KCTD3: variants seen among roughly 807,000 people sequenced by gnomAD.
KCTD3 encodes the protein BTB/POZ domain-containing protein KCTD3.
A neutral mutation model predicts 85.8 loss-of-function variants in KCTD3; 41 were observed. The observed-to-expected ratio is 0.48, with a 90% CI of 0.37 to 0.62. The LOEUF (loss-of-function observed/expected upper bound fraction) is 0.62, where lower values mean the gene tolerates loss of function less well. Among genes scored for constraint, KCTD3 ranks in the 20% least tolerant of loss-of-function variants. The pLI, the probability that KCTD3 is intolerant of heterozygous loss-of-function variation, is 0.00. For synonymous variants in KCTD3, 338 were observed against 345.4 expected (o/e 0.98, Z 0.24); for missense variants, 724 against 989.9 (o/e 0.73, Z 3.60).
chr1:215,602,688 T>A (rs1439124943), intron 12 of KCTD3, among the ~76,000 whole-genome samples: 1 of 152,154 alleles, frequency 6.6e-6, no homozygotes. Context: ...AGTAACAGAC[T>A]AGTTCTGTAA....
At chr1:215,615,198 A>G (rs1655387667) in intron 15 of KCTD3, among the ~76,000 whole-genome samples, 1 of 152,234 alleles carries the variant, frequency 6.6e-6, no homozygotes, top group Non-Finnish European at 1.5e-5. Flanking sequence ...TTATAAAGCT[A>G]TAGTGAACCA....
At chr1:215,585,325 C>T (rs1659967996) in intron 8 of KCTD3, among the ~76,000 whole-genome samples, 1 of 152,094 alleles carries the variant, frequency 6.6e-6, no homozygotes, top group Admixed American at 6.5e-5. Context: ...ATACATTTTT[C>T]TCTATTGCTT....
intron 10 of KCTD3, among the ~76,000 whole-genome samples, chr1:215,599,276 A>C (rs759197746): frequency 1.3e-5 from 2 of 152,216 alleles, no homozygotes; most frequent in Non-Finnish European, 2.9e-5. Flanking sequence ...AATGGAATGC[A>C]TTAAGCAGTG....
chr1:215,594,635 C>G (rs1660344388), intron 9 of KCTD3, among the ~76,000 whole-genome samples: 1 of 152,004 alleles, frequency 6.6e-6, no homozygotes, highest in African/African-American at 2.4e-5. Context: ...ATTATTGTAT[C>G]AAATTATAAT....
At position 215,620,115 on chromosome 1, in the gene KCTD3, C is replaced by A; in HGVS notation, c.1945C>A (p.Pro649Thr). 1 of 1,613,338 alleles carries A rather than the reference C, an allele frequency of 6.2e-7. No individual in the cohort carries two copies. Among genetic ancestry groups the A allele is most frequent in the Non-Finnish European group, 8.5e-7 (1 of 1,179,604 alleles). ...AGCAGCTACTTACGGTTCCATGAGG[C>A]CTTACAGAGAAAGTCCTTTATTAGC... ...HEAATYGSMR[P>T]YRESPLLARA... Residue 649 changes from proline to threonine, a missense_variant, in exon 18 of 18, where the codon CCT becomes ACT. Transcript: ENST00000259154.
intron 1 of KCTD3, among the ~76,000 whole-genome samples, chr1:215,568,662 A>G (rs955385897): frequency 6.6e-6 from 1 of 152,104 alleles, no homozygotes; most frequent in East Asian, 1.9e-4. Flanking sequence ...AAACAAGGAA[A>G]TGCTCTGGAA....
intron 1 of KCTD3, among the ~76,000 whole-genome samples, chr1:215,569,247 G>A (rs984418872): frequency 2.7e-5 from 4 of 149,956 alleles, no homozygotes; most frequent in Admixed American, 1.3e-4. Context: ...TCAGCATCCC[G>A]AGTAGCTGGG....
rs57861859 is a variant in KCTD3 at position 215,606,812 on chromosome 1, C to G, written c.1310-1205C>G. ...CACATATGTAATGACATTGTTTTCC[C>G]TATAGTGCATTTTAATCCCTTAAAG... On this transcript the variant is annotated intron_variant, in intron 13 of 17. Transcript: ENST00000259154. Among the ~76,000 whole-genome samples the G allele has an allele frequency of 6.0e-3, 912 of 152,034 alleles. 21 individuals are homozygous for G. In the South Asian group the frequency reaches 0.067, roughly 11 times the overall value.
chr1:215,570,229 T>G (rs536806314), intron 1 of KCTD3, among the ~76,000 whole-genome samples: 1 of 149,916 alleles, frequency 6.7e-6, no homozygotes, highest in Non-Finnish European at 1.5e-5. Flanking sequence ...ATCGGTAAGG[T>G]CTTTTTTTTT....
In KCTD3 at chr1:215,620,866, C is replaced by T. The variant is rs1655660257; in HGVS notation, c.*248C>T. ...TATAAAGCAGGAGTCCATTTTAACA[C>T]TTACCGACTTTTTTTGGTTTGGAAA... On this transcript the variant is annotated 3_prime_UTR_variant, in exon 18 of 18. Transcript: ENST00000259154. 2.3e-6 allele frequency: 1 copy of T among 440,668 alleles called. No homozygotes were observed. The highest frequency in any genetic ancestry group is 4.0e-6 in the Non-Finnish European group (1 of 252,066). The allele number at this position is 440,668 out of a possible 1,614,324, so 27.3% of individuals were successfully genotyped here.
At chr1:215,608,331 C>A (rs745321455) in intron 14 of KCTD3, among the ~76,000 whole-genome samples, 159 bp downstream of exon 14, 57 of 151,876 alleles carry the variant, frequency 3.8e-4, no homozygotes, top group Non-Finnish European at 7.5e-4. Context: ...TGATTAAATT[C>A]TATAAATTCA....
rs1028921863 is a variant in KCTD3 at position 215,605,668 on chromosome 1, AT to A, written c.1309+1369del. 5.9e-5 allele frequency among the ~76,000 whole-genome samples: 9 copies of A among 152,170 alleles called. No homozygotes were observed. The East Asian group carries it at 1.4e-3, about 23-fold the overall frequency. ...AAGTTGGACAAAATAAAACTTAATG[AT>A]TTCTCCCTCAAAAGCCATCTTAGTA... On this transcript the variant is annotated intron_variant, in intron 13 of 17. Transcript: ENST00000259154.
At chr1:215,615,708 C>A (rs1046846992) in intron 15 of KCTD3, among the ~76,000 whole-genome samples, 1 of 151,790 alleles carries the variant, frequency 6.6e-6, no homozygotes, top group East Asian at 1.9e-4. Context: ...ACAGCAGATA[C>A]CCCTTTAACA....
At chr1:215,575,320 A>C (rs1429676952) in intron 3 of KCTD3, among the ~76,000 whole-genome samples, 14 of 151,862 alleles carry the variant, frequency 9.2e-5, no homozygotes, top group Admixed American at 9.2e-4. Context: ...TTTTCCTCTT[A>C]TGTATTCTGT....
At chr1:215,591,365 CTCTT>C (rs1246877678) in intron 9 of KCTD3, among the ~76,000 whole-genome samples, 2 of 140,744 alleles carry the variant, frequency 1.4e-5, no homozygotes, top group East Asian at 4.2e-4. Context: ...TCTCTTTCTT[CTCTT>C]TCTTTCTTAG....
At chr1:215,588,522 G>T (rs1660099150) in intron 9 of KCTD3, among the ~76,000 whole-genome samples, 1 of 152,030 alleles carries the variant, frequency 6.6e-6, no homozygotes, top group South Asian at 2.1e-4. Context: ...CACTGTCCTG[G>T]TTTGTGCTAA....
intron 9 of KCTD3, among the ~76,000 whole-genome samples, chr1:215,592,238 T>C (rs920181622): frequency 2.6e-5 from 4 of 152,156 alleles, no homozygotes; most frequent in Non-Finnish European, 5.9e-5. Flanking sequence ...TTCTATGCTG[T>C]GATAGAAAGT....
rs768281448 is a variant in KCTD3 at position 215,604,106 on chromosome 1, A to T, written c.1139-26A>T. On this transcript the variant is annotated intron_variant, in intron 12 of 17. Transcript: ENST00000259154. Reference sequence around the variant, plus strand: ...TTTTATTATCGTTCCATAATGTATCACCTGTCAACTCTTGACTTTATATAG... The same window carrying T: ...TTTTATTATCGTTCCATAATGTATCTCCTGTCAACTCTTGACTTTATATAG... 1.1e-5 allele frequency: 17 copies of T among 1,563,058 alleles called. No individual in the cohort carries two copies. The South Asian group carries it at 1.8e-4, about 16-fold the overall frequency.
rs749205838 is a variant in KCTD3 at position 215,586,556 on chromosome 1, G to A, written c.688G>A (p.Glu230Lys). ...FTSPYLDWTI[E>K]RVALNAKVVG... ...GAGCCCATATTTGGATTGGACTATC[G>A]AACGAGTAGCTTTAAATGCAAAGGT... is the stretch of plus-strand genomic sequence containing the variant. Residue 230 changes from glutamate (E) to lysine (K), a missense_variant, in exon 9 of 18, where the codon GAA (glutamate) becomes AAA (lysine). Around this residue, in one of 6 missense-constraint regions of KCTD3, gnomAD observed 146 missense variants for 320.3 expected, o/e 0.46. Coordinates refer to ENST00000259154, the MANE Select transcript of KCTD3 (RefSeq NM_016121.5). 8.7e-6 allele frequency: 14 copies of A among 1,614,018 alleles called. No homozygotes were observed. In the South Asian group the frequency reaches 1.1e-4, roughly 13 times the overall value.
Sources: allele counts gnomAD v4.1 joint callset (sites outside exome capture counted in the v4.1 genomes callset), GRCh38; gene constraint gnomAD v4.1.1; regional missense constraint gnomAD v4.1.1; transcripts MANE v1.5; gene names NCBI Gene and HGNC (gene_info 2026-07-23, HGNC 2026-07-21).